TEX11: variants seen among roughly 807,000 people sequenced by gnomAD.
TEX11 encodes testis-expressed protein 11.
In TEX11, 7 loss-of-function variants were observed where a neutral mutation model predicts 84.4. The ratio of observed to expected loss-of-function variants is 0.08; its 90% CI spans 0.05 to 0.16. The LOEUF (loss-of-function observed/expected upper bound fraction) is 0.16, where lower values mean the gene tolerates loss of function less well. Ranked by LOEUF, TEX11 falls within the 10% of genes least tolerant of loss-of-function variation. The probability of loss-of-function intolerance (pLI) is 1.00; values close to 1 mark genes in which losing one functional copy is unlikely to be tolerated. For synonymous variants in TEX11, 264 were observed against 222.8 expected (o/e 1.18, Z -1.64); for missense variants, 551 against 660.5 (o/e 0.83, Z 1.82).
At chrX:70,860,961 A>T (rs753014601) in intron 4 of TEX11, 25 bp from the exon 5 acceptor site, 95 of 1,018,108 alleles carry the variant, frequency 9.3e-5, no homozygotes, top group Non-Finnish European at 1.2e-4. Flanking sequence ...TTAGACAATG[A>T]TAAACACAAA....
chrX:70,634,160 C>A (rs2089542704), intron 17 of TEX11, among the ~76,000 whole-genome samples: 1 of 111,027 alleles, frequency 9.0e-6, no homozygotes, highest in Non-Finnish European at 1.9e-5. Context: ...ATAAATCTGA[C>A]AAAAGATGCA....
chrX:70,511,844 C>A, the TEX11 span, among the ~76,000 whole-genome samples: 2 of 104,965 alleles, frequency 1.9e-5, no homozygotes, highest in Non-Finnish European at 3.9e-5. Context: ...ATAGTGGCCT[C>A]CAAGTTAGTC....
chrX:70,533,637 G>C (rs1207781180), intron 28 of TEX11, among the ~76,000 whole-genome samples: 1 of 111,537 alleles, frequency 9.0e-6, no homozygotes, highest in African/African-American at 3.3e-5. Context: ...TTGTGGTCTT[G>C]TAAAGTGTGG....
intron 8 of TEX11, among the ~76,000 whole-genome samples, chrX:70,813,217 A>G (rs768496465): frequency 8.9e-6 from 1 of 111,929 alleles, no homozygotes; most frequent in African/African-American, 3.2e-5. Context: ...CTGGCAAACC[A>G]AATCCAGCAG....
At chrX:70,713,714 C>G (rs1482093676) in intron 13 of TEX11, among the ~76,000 whole-genome samples, 3 of 110,880 alleles carry the variant, frequency 2.7e-5, no homozygotes, top group Admixed American at 1.9e-4. Context: ...AGCGGTCTAT[C>G]AATTTTGTTG....
chrX:70,666,746 G>A (rs1020683686), intron 16 of TEX11, among the ~76,000 whole-genome samples: 1 of 111,840 alleles, frequency 8.9e-6, no homozygotes, highest in African/African-American at 3.3e-5. Context: ...TTCTCCTAAT[G>A]TTCCCTCAGC....
chrX:70,554,611 A>G, intron 26 of TEX11, 40 bp downstream of exon 26: 1 of 1,134,927 alleles, frequency 8.8e-7, no homozygotes. Context: ...TACGATCTAA[A>G]TGGGCACCAG....
chrX:70,550,578 T>A (rs1235913327), intron 28 of TEX11, among the ~76,000 whole-genome samples: 1 of 111,600 alleles, frequency 9.0e-6, no homozygotes, highest in African/African-American at 3.3e-5. Context: ...AGTTTTAAAA[T>A]AAGGAAAATA....
At chrX:70,517,354 G>C in the TEX11 span, among the ~76,000 whole-genome samples, 1 of 111,853 alleles carries the variant, frequency 8.9e-6, no homozygotes, top group Admixed American at 9.5e-5. Flanking sequence ...TTTGTCAAAG[G>C]CCTTTTCTGC....
intron 20 of TEX11, among the ~76,000 whole-genome samples, chrX:70,616,806 T>C (rs934688775): frequency 3.6e-5 from 4 of 111,562 alleles, no homozygotes; most frequent in African/African-American, 1.3e-4. Context: ...TCTCACTTAT[T>C]TGTGGGAGCC....
intron 9 of TEX11, among the ~76,000 whole-genome samples, chrX:70,785,490 C>T (rs1332314383): frequency 1.8e-5 from 2 of 111,799 alleles, no homozygotes; most frequent in Non-Finnish European, 3.8e-5. Context: ...AACTAAAGAG[C>T]TTCTGCACAG....
intron 25 of TEX11, among the ~76,000 whole-genome samples, chrX:70,572,745 G>A (rs1413752118): frequency 1.3e-4 from 14 of 105,342 alleles, no homozygotes; most frequent in Non-Finnish European, 2.1e-4. Flanking sequence ...GCAAACTATC[G>A]CAAGGACAAA....
At chrX:70,755,579 G>A (rs757214988) in intron 9 of TEX11, among the ~76,000 whole-genome samples, 7 of 112,123 alleles carry the variant, frequency 6.2e-5, no homozygotes, top group Admixed American at 9.5e-5. Flanking sequence ...TAAAGAAGAA[G>A]CAGAGAAAGA....
chrX:70,622,118 G>A (rs2089402422), intron 20 of TEX11, among the ~76,000 whole-genome samples: 1 of 111,622 alleles, frequency 9.0e-6, no homozygotes, highest in African/African-American at 3.3e-5. Flanking sequence ...TTACAGATGA[G>A]GAAAATAAAG....
chrX:70,845,679 T>A (rs777924230), intron 7 of TEX11, among the ~76,000 whole-genome samples: 9 of 110,025 alleles, frequency 8.2e-5, no homozygotes, highest in Non-Finnish European at 1.5e-4. Flanking sequence ...AATACAAAAA[T>A]TAGCCAGGCA....
At chrX:70,822,955 C>A (rs1602156753) in intron 8 of TEX11, among the ~76,000 whole-genome samples, 1 of 109,758 alleles carries the variant, frequency 9.1e-6, no homozygotes, top group East Asian at 2.9e-4. Context: ...CTTCATGATG[C>A]AAACACCTCC....
At chrX:70,648,777 C>A (rs189012265) in intron 17 of TEX11, among the ~76,000 whole-genome samples, 4 of 111,089 alleles carry the variant, frequency 3.6e-5, no homozygotes, top group African/African-American at 1.3e-4. Flanking sequence ...CGTAGGCATA[C>A]GTGTGTCATG....
At chrX:70,829,192 G>A (rs2091362644) in intron 8 of TEX11, among the ~76,000 whole-genome samples, 1 of 111,736 alleles carries the variant, frequency 8.9e-6, no homozygotes, top group South Asian at 3.7e-4. Context: ...GTAAGCACAA[G>A]GCTGGACAGC....
chrX:70,750,111 A>G (rs1180195330), intron 9 of TEX11, among the ~76,000 whole-genome samples: 3 of 111,897 alleles, frequency 2.7e-5, no homozygotes, highest in African/African-American at 9.8e-5. Flanking sequence ...AAGTGGGCGA[A>G]GGACATGAAC....
Sources: allele counts gnomAD v4.1 joint callset (sites outside exome capture counted in the v4.1 genomes callset), GRCh38; gene constraint gnomAD v4.1.1; transcripts MANE v1.5; gene names NCBI Gene and HGNC (gene_info 2026-07-23, HGNC 2026-07-21).